Variants in TTLL11 observed in about 807,000 individuals in gnomAD.
The protein encoded by TTLL11 is tubulin tyrosine ligase like 11.
In TTLL11, 42 loss-of-function variants were observed where a neutral mutation model predicts 51.7. That is an observed-to-expected ratio of 0.81 (90% CI 0.64 to 1.05). TTLL11 has a LOEUF of 1.05. TTLL11 is among the 50% of genes least tolerant of loss of function. The pLI is 0.00. For synonymous variants in TTLL11, 381 were observed against 383.5 expected, an observed-to-expected ratio of 0.99 and a Z score of 0.08; for missense variants, 799 against 940.4, an observed-to-expected ratio of 0.85 and a Z score of 1.97.
Position 121,822,666 on chromosome 9 carries a change from G to A in TTLL11, c.2054C>T (p.Ala685Val), listed in dbSNP as rs1362550394. 1.9e-6 allele frequency: 3 copies of A among 1,540,094 alleles called. No homozygotes were observed. Among genetic ancestry groups the A allele is most frequent in the Non-Finnish European group, 2.6e-6 (3 of 1,142,478 alleles). ...TGGGGGGTTGTCCCCTGCTGGCTGG[G>A]CCGAGGGGGAGGGCTCCTGGGGAGG... ...RGPPQEPSPS[A>V]QPAGDNPPPR... The change falls in exon 9 of 9, where the codon GCC becomes GTC. Residue 685 changes from alanine (A) to valine (V), a missense_variant. Physicochemically the swap from Ala to Val is moderately conservative, Grantham distance 64 (BLOSUM62 0). Coordinates refer to ENST00000321582, the MANE Select transcript of TTLL11 (RefSeq NM_001139442.2). The surrounding 1 kb of genome is among the most constrained non-coding windows in gnomAD (Gnocchi z 5.8).
At chr9:121,837,122 T>C (rs1489719123) in intron 8 of TTLL11, among the ~76,000 whole-genome samples, 2 of 152,232 alleles carry the variant, frequency 1.3e-5, no homozygotes, top group African/African-American at 2.4e-5. Context: ...ATAGACTGTA[T>C]AGAATTCCAT....
intron 8 of TTLL11, among the ~76,000 whole-genome samples, chr9:121,835,637 C>T (rs1232194711): frequency 6.6e-6 from 1 of 152,184 alleles, no homozygotes; most frequent in Non-Finnish European, 1.5e-5. Flanking sequence ...GCCAGCAGCA[C>T]CAAAATAACA....
At chr9:121,842,594 G>A (rs546982456) in intron 8 of TTLL11, among the ~76,000 whole-genome samples, 5 of 152,306 alleles carry the variant, frequency 3.3e-5, no homozygotes, top group South Asian at 4.1e-4. Context: ...ATGATTCCAT[G>A]TCAGTAAGAT....
At chr9:121,880,599 A>G (rs190943416) in intron 6 of TTLL11, among the ~76,000 whole-genome samples, 1 of 152,326 alleles carries the variant, frequency 6.6e-6, no homozygotes, top group African/African-American at 2.4e-5. Context: ...TCACACTCCA[A>G]TGGCTATTTG....
intron 3 of TTLL11, among the ~76,000 whole-genome samples, chr9:122,028,093 T>C (rs977890778): frequency 6.6e-6 from 1 of 152,192 alleles, no homozygotes; most frequent in Non-Finnish European, 1.5e-5. Flanking sequence ...TTGTAAACCC[T>C]AGATACTAGG....
intron 8 of TTLL11, among the ~76,000 whole-genome samples, chr9:121,843,021 C>G (rs1837404988): frequency 6.6e-6 from 1 of 152,072 alleles, no homozygotes; most frequent in South Asian, 2.1e-4. Context: ...AGTTTCAGCT[C>G]TGACGCATAA....
intron 6 of TTLL11, among the ~76,000 whole-genome samples, chr9:121,880,560 T>C (rs1838748531): frequency 6.6e-6 from 1 of 152,198 alleles, no homozygotes; most frequent in Non-Finnish European, 1.5e-5. Context: ...AAGCCCACAG[T>C]ATACATTATT....
At chr9:121,918,076 T>A (rs1376386243) in intron 6 of TTLL11, among the ~76,000 whole-genome samples, 1 of 152,138 alleles carries the variant, frequency 6.6e-6, no homozygotes, top group Non-Finnish European at 1.5e-5. Flanking sequence ...TTACCCAGCC[T>A]TCAGCCTGTG....
At chr9:121,842,525 C>G (rs549409117) in intron 8 of TTLL11, among the ~76,000 whole-genome samples, 1 of 152,294 alleles carries the variant, frequency 6.6e-6, no homozygotes, top group South Asian at 2.1e-4. Context: ...CCTGCCTTGG[C>G]CTCCCAAAGT....
intron 1 of TTLL11, among the ~76,000 whole-genome samples, chr9:122,048,188 G>A (rs956310634): frequency 4.0e-5 from 6 of 151,778 alleles, no homozygotes; most frequent in Non-Finnish European, 8.8e-5. Context: ...TTTTTTCAGA[G>A]ATGGGGTCTC....
intron 6 of TTLL11, among the ~76,000 whole-genome samples, chr9:121,921,595 T>A (rs896020149): frequency 6.6e-6 from 1 of 152,074 alleles, no homozygotes; most frequent in Non-Finnish European, 1.5e-5. Flanking sequence ...CAGTGCTGAG[T>A]CCCCCTTAGG....
intron 1 of TTLL11, among the ~76,000 whole-genome samples, chr9:122,050,736 T>A (rs1462640092): frequency 6.6e-6 from 1 of 152,180 alleles, no homozygotes; most frequent in Admixed American, 6.5e-5. Context: ...GTGTCTGCCT[T>A]AGTCTCCTCA....
At chr9:121,887,181 A>G (rs1453434476) in intron 6 of TTLL11, among the ~76,000 whole-genome samples, 1 of 151,580 alleles carries the variant, frequency 6.6e-6, no homozygotes, top group Non-Finnish European at 1.5e-5. Flanking sequence ...GAATATCTCT[A>G]AATGTGACCA....
intron 8 of TTLL11, among the ~76,000 whole-genome samples, chr9:121,827,573 G>A (rs755360570): frequency 2.6e-5 from 4 of 152,142 alleles, no homozygotes; most frequent in Non-Finnish European, 5.9e-5. Flanking sequence ...ACTGACAGAC[G>A]GTCCTATTGA....
chr9:122,048,232 T>C (rs1215417102), intron 1 of TTLL11, among the ~76,000 whole-genome samples: 2 of 152,126 alleles, frequency 1.3e-5, no homozygotes, highest in African/African-American at 2.4e-5. Context: ...AGTGGTGTGA[T>C]AATAGCTCAC....
chr9:121,979,351 C>A (rs1167228186), intron 4 of TTLL11, among the ~76,000 whole-genome samples: 1 of 152,170 alleles, frequency 6.6e-6, no homozygotes, highest in South Asian at 2.1e-4. Flanking sequence ...CAGAAGCAGT[C>A]AGTTAAGCCT....
chr9:122,046,024 C>T (rs1015587443), intron 1 of TTLL11, among the ~76,000 whole-genome samples: 2 of 152,104 alleles, frequency 1.3e-5, no homozygotes, highest in East Asian at 3.8e-4. Flanking sequence ...GAACTGTACA[C>T]CTAAAAATGG....
intron 6 of TTLL11, among the ~76,000 whole-genome samples, chr9:121,929,028 G>GCCTAA (rs1471164953): frequency 1.3e-5 from 2 of 152,100 alleles, no homozygotes; most frequent in East Asian, 3.9e-4. Flanking sequence ...GCCTATCAGA[G>GCCTAA]ACAACCTTTG....
intron 3 of TTLL11, among the ~76,000 whole-genome samples, chr9:122,024,221 G>A (rs948456571): frequency 5.3e-5 from 8 of 151,984 alleles, no homozygotes; most frequent in Non-Finnish European, 8.8e-5. Context: ...AAATCATAAG[G>A]GAAAATTGTG....
Sources: allele counts gnomAD v4.1 joint callset (sites outside exome capture counted in the v4.1 genomes callset), GRCh38; gene constraint gnomAD v4.1.1; non-coding constraint Gnocchi (gnomAD v3.1); transcripts MANE v1.5; gene names NCBI Gene and HGNC (gene_info 2026-07-23, HGNC 2026-07-21).